The following PMS2 variants were observed in gnomAD, a reference collection of about 807,000 sequenced individuals.
PMS2 encodes PMS1 homolog 2, mismatch repair system component.
A neutral mutation model predicts 90.0 loss-of-function variants in PMS2; 69 were observed. The observed-to-expected ratio is 0.77, with a 90% CI of 0.63 to 0.94. The LOEUF (loss-of-function observed/expected upper bound fraction) is 0.94. PMS2 is among the 40% of genes least tolerant of loss of function. PMS2 has a pLI of 0.00. For synonymous variants in PMS2, 332 were observed against 375.1 expected (o/e 0.89, Z 1.33); for missense variants, 966 against 1,040.2 (o/e 0.93, Z 0.98).
intron 10 of PMS2, among the ~76,000 whole-genome samples, chr7:5,989,304 G>A (rs759584174): frequency 2.8e-4 from 43 of 151,954 alleles, no homozygotes; most frequent in Non-Finnish European, 4.4e-4. Flanking sequence ...GGTGGTGGGC[G>A]CCTGTAATCC....
intron 2 of PMS2, chr7:6,004,323 CA>C (rs949508711): frequency 7.2e-5 from 23 of 318,850 alleles, no homozygotes; most frequent in Non-Finnish European, 8.5e-5. Context: ...GGAGAAGGAA[CA>C]AAAAAAATCT....
chr7:5,987,704 A>G, intron 10 of PMS2, 84 bp from the exon 11 acceptor site: 2 of 945,908 alleles, frequency 2.1e-6, no homozygotes, highest in Non-Finnish European at 3.4e-6. Context: ...ATACTTCACA[A>G]AAGAGGAGAT....
At position 5,982,871 on chromosome 7, in the gene PMS2, G is replaced by A. The variant is rs199943748; in HGVS notation, c.2127C>T (p.Phe709=). ...DQHATDEKYN[F]EMLQQHTVLQ... is the part of the protein sequence containing the mutation. ...GCACGGTGTGCTGCTGCAGCATCTC[G>A]AAGTTATACTTCTCGTCCGTGGCAT... is the stretch of plus-strand genomic sequence containing the variant. Residue 709 remains phenylalanine, a synonymous_variant, in exon 12 of 15, where the codon TTC becomes TTT. Transcript: ENST00000265849. 93 of 1,607,652 alleles carry A rather than the reference G, an allele frequency of 5.8e-5. No individual in the cohort carries two copies. The highest frequency in any genetic ancestry group is 2.2e-4 in the East Asian group (10 of 44,814).
intron 12 of PMS2, among the ~76,000 whole-genome samples, 182 bp from the exon 13 acceptor site, chr7:5,978,878 T>C (rs185955056): frequency 6.7e-6 from 1 of 149,442 alleles, no homozygotes; most frequent in African/African-American, 2.5e-5. Flanking sequence ...ATTTTCTCTT[T>C]CTTAAAGTTC....
intron 5 of PMS2, 76 bp from the exon 6 acceptor site, chr7:5,999,351 C>G (rs1248548797): frequency 2.3e-6 from 3 of 1,295,326 alleles, no homozygotes; most frequent in Non-Finnish European, 3.4e-6. Flanking sequence ...GTTACAACAT[C>G]CAACGCAAGG....
rs1785346283 is a variant in PMS2 at position 6,003,580 on chromosome 7, G to A, written c.353+110C>T. The A allele has an allele frequency of 5.7e-6, 4 of 696,714 alleles. No homozygotes were observed. In the Admixed American group the frequency reaches 8.6e-5, roughly 15 times the overall value. The allele number at this position is 696,714 out of a possible 1,614,324, so 43.2% of individuals were successfully genotyped here. ...CAGCGAGACAAAACAGAATTCAGAAGCTAGAAGTTGAGATGTTGAGATAGA... is the reference window on the plus strand; with the variant it reads ...CAGCGAGACAAAACAGAATTCAGAAACTAGAAGTTGAGATGTTGAGATAGA... On this transcript the variant is annotated intron_variant, in intron 4 of 14. Coordinates refer to ENST00000265849, the MANE Select transcript of PMS2 (RefSeq NM_000535.7).
intron 8 of PMS2, among the ~76,000 whole-genome samples, chr7:5,993,370 C>CAAAAAAAAAA (rs141290969): frequency 2.2e-4 from 16 of 72,878 alleles, no homozygotes; most frequent in East Asian, 1.5e-3. Flanking sequence ...GACTCCGTCT[C>CAAAAAAAAAA]AAAAAAAAAA....
At chr7:6,008,863 C>T in intron 1 of PMS2, 134 bp downstream of exon 1, 1 of 1,123,246 alleles carries the variant, frequency 8.9e-7, no homozygotes, top group Non-Finnish European at 1.4e-6. Context: ...GAGGTCGCCA[C>T]TCCGGGGCCT....
At chr7:5,999,921 A>T (rs1784908736) in intron 5 of PMS2, among the ~76,000 whole-genome samples, 2 of 152,222 alleles carry the variant, frequency 1.3e-5, no homozygotes, top group South Asian at 2.1e-4. Flanking sequence ...AGATACACAA[A>T]AATGTTCACT....
chr7:5,992,476 T>C (rs1783879521), intron 8 of PMS2, among the ~76,000 whole-genome samples: 1 of 152,064 alleles, frequency 6.6e-6, no homozygotes, highest in Admixed American at 6.6e-5. Context: ...CACGCCACCA[T>C]GACCAGATAA....
At position 5,977,928 on chromosome 7, in the gene PMS2, G is replaced by A. The variant is rs1194326284; in HGVS notation, c.2276-171C>T. On this transcript the variant is annotated intron_variant, in intron 13 of 14. Coordinates refer to ENST00000265849, the MANE Select transcript of PMS2 (RefSeq NM_000535.7). ...AGGTCAGGAGATACAGACCATCCTG[G>A]CTAACATGGTGAAACCCCGTCTCTA... 1.8e-4 allele frequency among the ~76,000 whole-genome samples: 27 copies of A among 150,632 alleles called. 1 individual carries two copies. The highest frequency in any genetic ancestry group is 6.3e-4 in the African/African-American group (26 of 40,954).
At position 5,985,264 on chromosome 7, in the gene PMS2, ATTTTT is replaced by A. The variant is rs142453627; in HGVS notation, c.2006+1490_2006+1494del. Among the ~76,000 whole-genome samples, 25 of 116,792 alleles carry A rather than the reference ATTTTT, an allele frequency of 2.1e-4. No homozygotes were observed. In the South Asian group the frequency reaches 5.9e-3, roughly 27 times the overall value. The allele number at this position is 116,792 out of a possible 152,430, so 76.6% of individuals were successfully genotyped here. ...AGGCGTACAGCAATGTACTTAGCTA[ATTTTT>A]TTTTTTTTTTTTTTTTTTTAGAGAT... On this transcript the variant is annotated intron_variant, in intron 11 of 14. Coordinates refer to ENST00000265849, the MANE Select transcript of PMS2 (RefSeq NM_000535.7).
chr7:5,997,070 C>T (rs962210325), intron 7 of PMS2, among the ~76,000 whole-genome samples: 7 of 151,742 alleles, frequency 4.6e-5, no homozygotes, highest in Admixed American at 2.0e-4. Flanking sequence ...CAAAATTAGC[C>T]GGGTGTGGTG....
intron 7 of PMS2, among the ~76,000 whole-genome samples, chr7:5,996,305 G>A (rs537717183): frequency 1.3e-5 from 2 of 150,618 alleles, no homozygotes; most frequent in Non-Finnish European, 2.9e-5. Flanking sequence ...TGTAATTCCA[G>A]AGCCTTGAGA....
intron 2 of PMS2, among the ~76,000 whole-genome samples, chr7:6,005,538 T>C (rs1055640614): frequency 4.6e-5 from 7 of 152,176 alleles, no homozygotes; most frequent in Non-Finnish European, 8.8e-5. Context: ...GGTCTCACCA[T>C]GTTGGCCAGG....
chr7:5,995,475 G>C (rs2128773590), intron 8 of PMS2, 59 bp downstream of exon 8: 1 of 1,050,820 alleles, frequency 9.5e-7, no homozygotes, highest in Admixed American at 1.7e-5. Context: ...TCAGAAAAAA[G>C]TTATCAATTA....
chr7:5,997,549 T>C, intron 6 of PMS2, 126 bp from the exon 7 acceptor site: 1 of 676,504 alleles, frequency 1.5e-6, no homozygotes, highest in Non-Finnish European at 2.6e-6. Flanking sequence ...ATCTTTTGTT[T>C]TGTTTTGTTT....
At chr7:6,007,839 C>T (rs528320848) in intron 1 of PMS2, among the ~76,000 whole-genome samples, 2 of 149,172 alleles carry the variant, frequency 1.3e-5, no homozygotes, top group East Asian at 4.0e-4. Context: ...ACACTATAGG[C>T]TACAGGTCCA....
At chr7:6,008,250 A>G (rs1786090505) in intron 1 of PMS2, among the ~76,000 whole-genome samples, 1 of 152,170 alleles carries the variant, frequency 6.6e-6, no homozygotes, top group South Asian at 2.1e-4. Context: ...AGTTACCTAA[A>G]TATATCTAAT....
Sources: allele counts gnomAD v4.1 joint callset (sites outside exome capture counted in the v4.1 genomes callset), GRCh38; gene constraint gnomAD v4.1.1; transcripts MANE v1.5; gene names NCBI Gene and HGNC (gene_info 2026-07-23, HGNC 2026-07-21).